CACNA2D3: variants seen among roughly 807,000 people sequenced by gnomAD.
CACNA2D3 encodes voltage-dependent calcium channel subunit alpha-2/delta-3.
Under a neutral mutation model 160.6 loss-of-function variants are expected in CACNA2D3, and 60 were observed. That is an observed-to-expected ratio of 0.37 (90% CI 0.30 to 0.46). CACNA2D3 has a LOEUF of 0.46. CACNA2D3 is among the 20% of genes least tolerant of loss of function. The probability of loss-of-function intolerance (pLI) is 1.00; values close to 1 mark genes in which losing one functional copy is unlikely to be tolerated. For missense variants in CACNA2D3, 1,205 were observed against 1,365.0 expected (o/e 0.88, Z 1.85); for synonymous variants, 558 against 492.9 (o/e 1.13, Z -1.75).
intron 4 of CACNA2D3, among the ~76,000 whole-genome samples, chr3:54,464,528 G>C (rs1447438381): frequency 3.9e-5 from 6 of 152,202 alleles, no homozygotes; most frequent in Admixed American, 3.3e-4. Flanking sequence ...TGATCTCAGA[G>C]TGCTGTGCTA....
chr3:54,675,203 C>T (rs1700218936), intron 11 of CACNA2D3, among the ~76,000 whole-genome samples: 1 of 152,124 alleles, frequency 6.6e-6, no homozygotes, highest in South Asian at 2.1e-4. Context: ...ACAGGGCCAT[C>T]ACTTGATAGG....
At chr3:55,049,636 G>A (rs1396113314) in intron 35 of CACNA2D3, among the ~76,000 whole-genome samples, 3 of 148,504 alleles carry the variant, frequency 2.0e-5, no homozygotes, top group African/African-American at 7.7e-5. Flanking sequence ...GTGCAGAGCT[G>A]AGTTCAATTC....
chr3:54,188,772 C>CT (rs1700928752), intron 2 of CACNA2D3, among the ~76,000 whole-genome samples: 1 of 152,198 alleles, frequency 6.6e-6, no homozygotes, highest in South Asian at 2.1e-4. Context: ...AAACCCCAAA[C>CT]TTCCAAAATG....
At chr3:54,197,697 G>A (rs144064791) in intron 2 of CACNA2D3, among the ~76,000 whole-genome samples, 42 of 152,272 alleles carry the variant, frequency 2.8e-4, no homozygotes, top group African/African-American at 9.1e-4. Context: ...AACTGCTCTT[G>A]TGTATGAGGG....
chr3:54,862,354 A>G (rs1390952863), intron 17 of CACNA2D3, among the ~76,000 whole-genome samples: 1 of 150,280 alleles, frequency 6.7e-6, no homozygotes, highest in Non-Finnish European at 1.5e-5. Context: ...AAGCTATTAA[A>G]CCAAGCATCT....
At chr3:54,591,793 A>T (rs1306167911) in intron 9 of CACNA2D3, among the ~76,000 whole-genome samples, 5 of 152,094 alleles carry the variant, frequency 3.3e-5, no homozygotes, top group Admixed American at 3.3e-4. Flanking sequence ...GGGATGGAGA[A>T]TTATGACCTT....
chr3:54,855,377 A>G (rs1699146787), intron 17 of CACNA2D3, among the ~76,000 whole-genome samples: 1 of 152,120 alleles, frequency 6.6e-6, no homozygotes. Flanking sequence ...GTGCTGCACC[A>G]TTTCCTGTCA....
At chr3:54,970,826 T>G (rs910183971) in intron 29 of CACNA2D3, among the ~76,000 whole-genome samples, 1 of 151,792 alleles carries the variant, frequency 6.6e-6, no homozygotes, top group African/African-American at 2.4e-5. Context: ...TGAGGTAGCC[T>G]TTCTCTCTCT....
At chr3:54,596,229 A>C (rs1702951970) in intron 9 of CACNA2D3, among the ~76,000 whole-genome samples, 1 of 151,854 alleles carries the variant, frequency 6.6e-6, no homozygotes, top group South Asian at 2.1e-4. Context: ...TATCTAGTCT[A>C]GCTGGCCCTC....
At chr3:54,289,234 A>G (rs1703118984) in intron 2 of CACNA2D3, among the ~76,000 whole-genome samples, 1 of 151,978 alleles carries the variant, frequency 6.6e-6, no homozygotes, top group Non-Finnish European at 1.5e-5. Flanking sequence ...TCAATGCACA[A>G]AAATCACAAG....
intron 4 of CACNA2D3, among the ~76,000 whole-genome samples, chr3:54,445,404 T>G (rs1438673498): frequency 1.3e-5 from 2 of 152,206 alleles, no homozygotes; most frequent in African/African-American, 4.8e-5. Flanking sequence ...TTCTTAACCT[T>G]GAATACTCTT....
At chr3:55,011,042 G>A (rs1515958) in intron 34 of CACNA2D3, among the ~76,000 whole-genome samples, 21,379 of 152,272 alleles carry the variant, frequency 0.14, 1,647 homozygotes, top group Admixed American at 0.21. Context: ...TATAGTCATG[G>A]CTTTGTAACT....
chr3:54,266,090 A>G (rs1702511899), intron 2 of CACNA2D3, among the ~76,000 whole-genome samples: 1 of 152,198 alleles, frequency 6.6e-6, no homozygotes, highest in Non-Finnish European at 1.5e-5. Flanking sequence ...AAAAGTTCTT[A>G]GGTCTAGGGA....
At chr3:54,518,723 G>A (rs927249212) in intron 5 of CACNA2D3, among the ~76,000 whole-genome samples, 2 of 151,440 alleles carry the variant, frequency 1.3e-5, no homozygotes. Flanking sequence ...TGTTTCAACT[G>A]TCAAGATATG....
chr3:54,955,049 TC>T (rs1235450023), intron 27 of CACNA2D3, among the ~76,000 whole-genome samples: 1 of 152,110 alleles, frequency 6.6e-6, no homozygotes, highest in Non-Finnish European at 1.5e-5. Flanking sequence ...TTGCTGAAAA[TC>T]AACTGACAAA....
At chr3:54,353,954 G>A (rs1051461668) in intron 3 of CACNA2D3, among the ~76,000 whole-genome samples, 2 of 152,142 alleles carry the variant, frequency 1.3e-5, no homozygotes, top group African/African-American at 4.8e-5. Flanking sequence ...ATGTTTGCCC[G>A]AGATTCCCAT....
At chr3:54,610,141 G>T (rs1242440045) in intron 9 of CACNA2D3, among the ~76,000 whole-genome samples, 2 of 152,124 alleles carry the variant, frequency 1.3e-5, no homozygotes, top group Non-Finnish European at 2.9e-5. Context: ...AAAAACGCTA[G>T]ATTAGGGGCC....
At chr3:54,303,827 T>G (rs1312954259) in intron 2 of CACNA2D3, among the ~76,000 whole-genome samples, 6 of 145,648 alleles carry the variant, frequency 4.1e-5, no homozygotes, top group Admixed American at 1.4e-4. Context: ...TGTTTTTTTT[T>G]TTTTTTTTTT....
chr3:54,317,506 C>T (rs887278646), intron 2 of CACNA2D3, among the ~76,000 whole-genome samples: 5 of 152,224 alleles, frequency 3.3e-5, no homozygotes, highest in Non-Finnish European at 7.4e-5. Flanking sequence ...CAAGGAGAGC[C>T]AAGCCTGAGA....
Sources: gnomAD v4.1 joint callset for allele counts (sites outside exome capture counted in the v4.1 genomes callset) on GRCh38, gnomAD v4.1.1 for gene constraint, MANE v1.5 for transcripts, NCBI Gene and HGNC (gene_info 2026-07-23, HGNC 2026-07-21) for gene names.